The following P4HA3 variants were observed in gnomAD, a reference collection of about 807,000 sequenced individuals.
The protein encoded by P4HA3 is prolyl 4-hydroxylase subunit alpha-3.
Under a neutral mutation model 66.7 loss-of-function variants are expected in P4HA3, and 60 were observed. The observed-to-expected ratio is 0.90, with a 90% confidence interval of 0.73 to 1.12. The LOEUF is 1.12. Among genes scored for constraint, P4HA3 ranks in the 50% most tolerant of loss-of-function variants. The pLI, the probability that P4HA3 is intolerant of heterozygous loss-of-function variation, is 0.00. For missense variants in P4HA3, 683 were observed against 685.8 expected, an observed-to-expected ratio of 1.00 and a Z score of 0.05; for synonymous variants, 263 against 274.6, an observed-to-expected ratio of 0.96 and a Z score of 0.42.
chr11:74,265,241 T>C (rs919124927), downstream of P4HA3, among the ~76,000 whole-genome samples: 20 of 152,160 alleles, frequency 1.3e-4, no homozygotes, highest in Admixed American at 7.8e-4. Flanking sequence ...CCTGTTCCTC[T>C]TGGAACTGGA....
intron 4 of P4HA3, among the ~76,000 whole-genome samples, chr11:74,293,263 T>C (rs561183870): frequency 1.3e-5 from 2 of 152,262 alleles, no homozygotes; most frequent in African/African-American, 4.8e-5. Flanking sequence ...AGACTAGGAT[T>C]GCAACCCCTG....
At chr11:74,255,974 A>G (rs760032549) in intron 15 of P4HA3, 2 of 511,454 alleles carry the variant, frequency 3.9e-6, no homozygotes, top group Admixed American at 3.9e-5. Flanking sequence ...ACAAGAGGGC[A>G]GCATGATCAC....
At chr11:74,297,526 G>A (rs534742344) in intron 4 of P4HA3, among the ~76,000 whole-genome samples, 2 of 152,298 alleles carry the variant, frequency 1.3e-5, no homozygotes, top group Admixed American at 6.5e-5. Context: ...GTGGGAAATG[G>A]GGTTAGCTAT....
At chr11:74,252,200 T>A (rs1286775615) in intron 15 of P4HA3, among the ~76,000 whole-genome samples, 1 of 149,026 alleles carries the variant, frequency 6.7e-6, no homozygotes, top group Non-Finnish European at 1.5e-5. Context: ...CCCGAGTAGC[T>A]GGGATCACAG....
Position 74,289,134 on chromosome 11 carries a change from T to TA in P4HA3, c.718-5_718-4insT. On this transcript the variant is annotated splice_polypyrimidine_tract_variant and splice_region_variant and intron_variant, in intron 4 of 12. Transcript: ENST00000331597. Reference sequence around the variant, plus strand: ...GGGCACACGAAACATTTCCTGCCTGTTAAAAAAAAAAAAAAGAAAAGAAAG... The same window carrying TA: ...GGGCACACGAAACATTTCCTGCCTGTATAAAAAAAAAAAAAAGAAAAGAAAG... The TA allele has an allele frequency of 6.4e-7, 1 of 1,557,028 alleles. No homozygotes were observed. The highest frequency in any genetic ancestry group is 1.2e-5 in the South Asian group (1 of 82,808).
intron 1 of P4HA3, among the ~76,000 whole-genome samples, chr11:74,307,383 G>A (rs763659482): frequency 6.6e-6 from 1 of 151,950 alleles, no homozygotes; most frequent in African/African-American, 2.4e-5. Context: ...CCCAAGTCAT[G>A]CATCAAATCA....
intron 8 of P4HA3, among the ~76,000 whole-genome samples, chr11:74,277,844 C>A (rs1565408710): frequency 6.6e-6 from 1 of 152,168 alleles, no homozygotes; most frequent in Non-Finnish European, 1.5e-5. Context: ...GCCAGTGGGT[C>A]TCCTGGGGAG....
downstream of P4HA3, among the ~76,000 whole-genome samples, chr11:74,264,521 T>A (rs1290151885): frequency 6.6e-6 from 1 of 152,122 alleles, no homozygotes; most frequent in East Asian, 1.9e-4. Flanking sequence ...GCCACATGGT[T>A]TCATGATGAT....
intron 7 of P4HA3, among the ~76,000 whole-genome samples, chr11:74,283,694 C>T (rs1185263682): frequency 1.3e-5 from 2 of 152,224 alleles, no homozygotes; most frequent in African/African-American, 4.8e-5. Flanking sequence ...AGCTTCTGCC[C>T]AGTCTCTGAA....
intron 7 of P4HA3, among the ~76,000 whole-genome samples, chr11:74,284,512 T>C (rs1043653430): frequency 2.6e-5 from 4 of 152,232 alleles, no homozygotes; most frequent in Non-Finnish European, 5.9e-5. Context: ...CAAAATTTAA[T>C]CTAATCATGA....
At chr11:74,299,667 GA>G (rs61624292) in intron 3 of P4HA3, among the ~76,000 whole-genome samples, 34,331 of 105,710 alleles carry the variant, frequency 0.32, 3,909 homozygotes, top group East Asian at 0.4. Flanking sequence ...ATATTTTCAA[GA>G]AAAAAAAAAA....
chr11:74,301,915 T>C (rs1005517162), intron 3 of P4HA3, among the ~76,000 whole-genome samples: 1 of 152,168 alleles, frequency 6.6e-6, no homozygotes, highest in Non-Finnish European at 1.5e-5. Flanking sequence ...TACCTTTCCA[T>C]CACCATCTCT....
intron 11 of P4HA3, 49 bp downstream of exon 11, chr11:74,269,603 A>G (rs772722353): frequency 6.4e-7 from 1 of 1,564,672 alleles, no homozygotes; most frequent in East Asian, 2.3e-5. Context: ...TTAGAGGGTA[A>G]GCGCTGCACT....
chr11:74,296,741 G>A (rs371260115), intron 4 of P4HA3, among the ~76,000 whole-genome samples: 2 of 152,084 alleles, frequency 1.3e-5, no homozygotes, highest in African/African-American at 2.4e-5. Context: ...TTGAAACTCC[G>A]TCTTTCAGGG....
intron 1 of P4HA3, 89 bp downstream of exon 1, chr11:74,311,322 TG>T (rs1861735857): frequency 1.5e-6 from 2 of 1,331,716 alleles, no homozygotes; most frequent in Non-Finnish European, 9.8e-7. Context: ...ACAATGAGCC[TG>T]GGGTCACACT....
chr11:74,271,835 C>A (rs951924872), intron 10 of P4HA3, among the ~76,000 whole-genome samples: 6 of 152,210 alleles, frequency 3.9e-5, no homozygotes, highest in Non-Finnish European at 7.4e-5. Flanking sequence ...GAAATCCCAA[C>A]CTGAAGATGA....
chr11:74,288,027 C>A (rs1186860620), intron 5 of P4HA3, among the ~76,000 whole-genome samples: 2 of 151,810 alleles, frequency 1.3e-5, no homozygotes, highest in African/African-American at 4.8e-5. Flanking sequence ...AAAAACAAAA[C>A]CAACAAACAA....
At chr11:74,266,526 T>C (rs1248357234), downstream of P4HA3, 1 of 164,104 alleles carries the variant, frequency 6.1e-6, no homozygotes, top group African/African-American at 2.4e-5. Context: ...TTATCCATGG[T>C]TTTTTTTCAA....
chr11:74,289,467 T>C (rs1860928851), intron 4 of P4HA3, among the ~76,000 whole-genome samples: 1 of 152,196 alleles, frequency 6.6e-6, no homozygotes, highest in Non-Finnish European at 1.5e-5. Context: ...TATTATACTT[T>C]AAGTTTTAGG....
Sources: allele counts gnomAD v4.1 joint callset (sites outside exome capture counted in the v4.1 genomes callset), GRCh38; gene constraint gnomAD v4.1.1; transcripts MANE v1.5; gene names NCBI Gene and HGNC (gene_info 2026-07-23, HGNC 2026-07-21).